SORCS1: variants seen among roughly 807,000 people sequenced by gnomAD.
The protein encoded by SORCS1 is VPS10 domain-containing receptor SorCS1.
Under a neutral mutation model 146.1 loss-of-function variants are expected in SORCS1, and 60 were observed. The observed-to-expected ratio is 0.41, with a 90% confidence interval of 0.33 to 0.51. The LOEUF is 0.51. SORCS1 is among the 20% of genes least tolerant of loss of function. The probability of loss-of-function intolerance (pLI) is 0.21; values close to 1 mark genes in which losing one functional copy is unlikely to be tolerated. For synonymous variants in SORCS1, 637 were observed against 584.0 expected (o/e 1.09, Z -1.31); for missense variants, 1,352 against 1,487.6 (o/e 0.91, Z 1.50).
intron 3 of SORCS1, among the ~76,000 whole-genome samples, chr10:106,794,627 C>T (rs1017522779): frequency 2.6e-5 from 4 of 151,696 alleles, no homozygotes; most frequent in African/African-American, 7.3e-5. Context: ...CTCAGTCTCC[C>T]GAGTAGCTGG....
At chr10:106,795,765 G>C (rs1169109853) in intron 3 of SORCS1, among the ~76,000 whole-genome samples, 1 of 152,192 alleles carries the variant, frequency 6.6e-6, no homozygotes, top group Non-Finnish European at 1.5e-5. Context: ...GATTGAATGG[G>C]AACATTCTGT....
chr10:106,636,843 A>C lies in SORCS1; in HGVS notation c.2476-7455T>G, dbSNP rs563357904. On this transcript the variant is annotated intron_variant, in intron 18 of 25. Transcript: ENST00000263054. ...GGCTGTTCTTAACTCCGAGTCCAGC[A>C]CTCTTACAACTCGTTCACAGAAAAC... Among the ~76,000 whole-genome samples, 3 of 152,226 alleles carry C rather than the reference A, an allele frequency of 2.0e-5. No individual in the cohort carries two copies. The East Asian group carries it at 5.8e-4, about 29-fold the overall frequency.
chr10:106,620,374 A>G, intron 20 of SORCS1, 54 bp downstream of exon 20: 1 of 1,572,280 alleles, frequency 6.4e-7, no homozygotes, highest in Non-Finnish European at 8.7e-7. Flanking sequence ...CCTTTGCTTC[A>G]GGCAGCGTGA....
intron 6 of SORCS1, among the ~76,000 whole-genome samples, chr10:106,711,919 T>TG (rs1236215808): frequency 6.6e-6 from 1 of 152,128 alleles, no homozygotes; most frequent in Non-Finnish European, 1.5e-5. Context: ...AAATGTAGCT[T>TG]GGGGGTCATA....
chr10:106,588,235 A>G (rs1589671709), intron 24 of SORCS1, among the ~76,000 whole-genome samples: 1 of 152,322 alleles, frequency 6.6e-6, no homozygotes, highest in Middle Eastern at 3.4e-3. Flanking sequence ...TATGCCCCAG[A>G]TTCAGGGGCA....
intron 2 of SORCS1, among the ~76,000 whole-genome samples, chr10:106,893,840 C>T (rs969421688): frequency 6.6e-6 from 1 of 152,136 alleles, no homozygotes; most frequent in Non-Finnish European, 1.5e-5. Context: ...CTCTTCGGGC[C>T]AGCAGCATGA....
intron 1 of SORCS1, among the ~76,000 whole-genome samples, chr10:107,044,537 A>AAAT (rs1721213222): frequency 6.7e-6 from 1 of 149,824 alleles, no homozygotes; most frequent in Admixed American, 6.6e-5. Flanking sequence ...AAAAAAAAAA[A>AAAT]AGTTGGCAGG....
chr10:107,153,956 T>A (rs1207235113), intron 1 of SORCS1, among the ~76,000 whole-genome samples: 1 of 151,732 alleles, frequency 6.6e-6, no homozygotes, highest in African/African-American at 2.4e-5. Flanking sequence ...ATATAATAAT[T>A]GAAAAAAACT....
chr10:107,088,657 T>C (rs1314784762), intron 1 of SORCS1, among the ~76,000 whole-genome samples: 1 of 152,230 alleles, frequency 6.6e-6, no homozygotes, highest in African/African-American at 2.4e-5. Context: ...CTTTAATCTC[T>C]GGGCACAGAT....
At chr10:107,099,355 ATC>A (rs1244809725) in intron 1 of SORCS1, among the ~76,000 whole-genome samples, 1 of 152,204 alleles carries the variant, frequency 6.6e-6, no homozygotes, top group Non-Finnish European at 1.5e-5. Flanking sequence ...CCACATGTCC[ATC>A]TCTTAATATG....
At position 106,967,239 on chromosome 10, in the gene SORCS1, T is replaced by C. The variant is rs1453955593; in HGVS notation, c.559-10659A>G. 4.6e-5 allele frequency among the ~76,000 whole-genome samples: 7 copies of C among 152,210 alleles called. No homozygotes were observed. The East Asian group carries it at 1.2e-3, about 25-fold the overall frequency. On this transcript the variant is annotated intron_variant, in intron 1 of 25. Transcript: ENST00000263054. ...TTCTCCCGTTCTTTATTTTGAATAATAAAAAGAGCATAATTCTCAAAATAT... is the reference window on the plus strand; with the variant it reads ...TTCTCCCGTTCTTTATTTTGAATAACAAAAAGAGCATAATTCTCAAAATAT...
chr10:107,036,474 G>C (rs1031261637), intron 1 of SORCS1, among the ~76,000 whole-genome samples: 1 of 152,112 alleles, frequency 6.6e-6, no homozygotes, highest in Non-Finnish European at 1.5e-5. Context: ...TATGCTCCCA[G>C]ACACATATAA....
At position 106,859,753 on chromosome 10, in the gene SORCS1, A is replaced by T. The variant is rs539908325; in HGVS notation, c.627-30080T>A. Among the ~76,000 whole-genome samples, 3 of 152,202 alleles carry T rather than the reference A, an allele frequency of 2.0e-5. No homozygotes were observed. The East Asian group carries it at 5.8e-4, about 29-fold the overall frequency. On this transcript the variant is annotated intron_variant, in intron 2 of 25. Coordinates refer to ENST00000263054, the MANE Select transcript of SORCS1 (RefSeq NM_052918.5). ...GCTGAATGGAATGCCTCTCTCCTTTATACTGTATGTGATTTATTTGAATCT... is the reference window on the plus strand; with the variant it reads ...GCTGAATGGAATGCCTCTCTCCTTTTTACTGTATGTGATTTATTTGAATCT...
At chr10:106,612,268 CCTGTATAGAGA>C (rs890706081) in intron 21 of SORCS1, among the ~76,000 whole-genome samples, 1 of 151,924 alleles carries the variant, frequency 6.6e-6, no homozygotes, top group Non-Finnish European at 1.5e-5. Context: ...AAGAAGCTCC[CCTGTATAGAGA>C]CAGAGGGAGG....
chr10:106,843,064 A>AT (rs1949122887), intron 2 of SORCS1, among the ~76,000 whole-genome samples: 1 of 152,226 alleles, frequency 6.6e-6, no homozygotes, highest in Admixed American at 6.5e-5. Flanking sequence ...AATCTACTTA[A>AT]TTATATGTCC....
intron 17 of SORCS1, among the ~76,000 whole-genome samples, chr10:106,658,958 G>A (rs1320808886): frequency 6.6e-6 from 1 of 152,174 alleles, no homozygotes; most frequent in African/African-American, 2.4e-5. Flanking sequence ...ATTGGTGGCT[G>A]TATATTAACC....
At chr10:106,577,755 G>C in intron 25 of SORCS1, 200 bp from the exon 26 acceptor site, 1 of 1,053,310 alleles carries the variant, frequency 9.5e-7, no homozygotes, top group Non-Finnish European at 1.3e-6. Flanking sequence ...AGAAGCTTTA[G>C]GAATGAGTAG....
At chr10:106,633,408 G>T (rs759059753) in intron 18 of SORCS1, among the ~76,000 whole-genome samples, 2 of 151,962 alleles carry the variant, frequency 1.3e-5, no homozygotes, top group African/African-American at 4.8e-5. Flanking sequence ...TAGAATATTC[G>T]AATTTATTCC....
intron 2 of SORCS1, among the ~76,000 whole-genome samples, chr10:106,838,895 T>G (rs1948902809): frequency 1.3e-5 from 2 of 152,210 alleles, no homozygotes; most frequent in East Asian, 3.9e-4. Context: ...TCAGTGATCT[T>G]TGATGTTTCT....
Sources: gnomAD v4.1 joint callset for allele counts (sites outside exome capture counted in the v4.1 genomes callset) on GRCh38, gnomAD v4.1.1 for gene constraint, MANE v1.5 for transcripts, NCBI Gene and HGNC (gene_info 2026-07-23, HGNC 2026-07-21) for gene names.